Variants in RANBP17 observed in about 807,000 individuals in gnomAD.
RANBP17 encodes ran-binding protein 17.
A neutral mutation model predicts 141.2 loss-of-function variants in RANBP17; 158 were observed. That is an observed-to-expected ratio of 1.12 (90% CI 0.98 to 1.28). The LOEUF is 1.28. Ranked by LOEUF, RANBP17 falls within the 50% of genes most tolerant of loss-of-function variation. The pLI is 0.00. For missense variants in RANBP17, 1,438 were observed against 1,290.7 expected (o/e 1.11, Z -1.75); for synonymous variants, 430 against 450.0 (o/e 0.96, Z 0.56).
At chr5:171,202,376 C>T (rs961430104) in intron 19 of RANBP17, among the ~76,000 whole-genome samples, 1 of 152,130 alleles carries the variant, frequency 6.6e-6, no homozygotes, top group Non-Finnish European at 1.5e-5. Flanking sequence ...TTGGTCATGA[C>T]ATCATCAGTT....
intron 14 of RANBP17, among the ~76,000 whole-genome samples, chr5:170,995,096 A>G (rs1043055092): frequency 1.1e-4 from 16 of 152,162 alleles, no homozygotes; most frequent in Non-Finnish European, 2.9e-5. Flanking sequence ...TAAATCAGCC[A>G]GTTGAAGAAA....
At chr5:170,908,153 C>A (rs1271175354) in intron 5 of RANBP17, among the ~76,000 whole-genome samples, 1 of 151,798 alleles carries the variant, frequency 6.6e-6, no homozygotes, top group Non-Finnish European at 1.5e-5. Flanking sequence ...ACTATTCAAC[C>A]CAGCAATCCT....
rs565290629 is a variant in RANBP17 at position 171,133,568 on chromosome 5, A to G, written c.1711-36562A>G. ...AATCTTTCATATATACTAAGAGAAA[A>G]TAAAAGATTGTTTTTAGGAAATTAC... On this transcript the variant is annotated intron_variant, in intron 14 of 27. Transcript: ENST00000523189. Among the ~76,000 whole-genome samples the G allele has an allele frequency of 4.6e-5, 7 of 152,350 alleles. No homozygotes were observed. In the East Asian group the frequency reaches 1.3e-3, roughly 29 times the overall value.
intron 9 of RANBP17, among the ~76,000 whole-genome samples, chr5:170,917,627 T>C (rs1026240018): frequency 2.0e-5 from 3 of 152,204 alleles, no homozygotes; most frequent in Non-Finnish European, 4.4e-5. Flanking sequence ...TTATGGGTTA[T>C]GCATTTATTT....
At chr5:171,196,676 CTTAA>C (rs1161226764) in intron 18 of RANBP17, among the ~76,000 whole-genome samples, 2 of 152,162 alleles carry the variant, frequency 1.3e-5, no homozygotes, top group Non-Finnish European at 2.9e-5. Flanking sequence ...TTGTCATTTA[CTTAA>C]TTCTCATGGC....
intron 22 of RANBP17, 30 bp downstream of exon 22, chr5:171,221,870 C>T: frequency 8.2e-7 from 1 of 1,224,188 alleles, no homozygotes; most frequent in South Asian, 1.3e-5. Flanking sequence ...TGTGCCTCTG[C>T]AATATAGTTT....
chr5:170,896,669 A>G (rs180958075), intron 5 of RANBP17, among the ~76,000 whole-genome samples: 1 of 152,150 alleles, frequency 6.6e-6, no homozygotes, highest in East Asian at 1.9e-4. Context: ...ATCTCTACTA[A>G]AAATACAACA....
At chr5:171,121,834 C>A (rs147003741) in intron 14 of RANBP17, among the ~76,000 whole-genome samples, 1 of 152,178 alleles carries the variant, frequency 6.6e-6, no homozygotes, top group Non-Finnish European at 1.5e-5. Context: ...CACACCCCCA[C>A]CCCTGCCAAG....
intron 14 of RANBP17, among the ~76,000 whole-genome samples, chr5:171,005,217 T>C (rs1431877757): frequency 6.6e-6 from 1 of 152,146 alleles, no homozygotes; most frequent in Non-Finnish European, 1.5e-5. Context: ...TGCCAGTGAC[T>C]TTCTTCACAG....
chr5:171,031,054 A>G (rs1462139141), intron 14 of RANBP17, among the ~76,000 whole-genome samples: 1 of 152,056 alleles, frequency 6.6e-6, no homozygotes, highest in Non-Finnish European at 1.5e-5. Context: ...AATTATTACA[A>G]CATCTGTTTC....
intron 14 of RANBP17, among the ~76,000 whole-genome samples, chr5:171,119,978 G>A (rs144417117): frequency 0.046 from 6,884 of 150,864 alleles, 197 homozygotes; most frequent in East Asian, 0.11. Context: ...TGGAGGTTGC[G>A]GTGAGCCGAG....
At chr5:171,164,383 A>G (rs1759536193) in intron 14 of RANBP17, among the ~76,000 whole-genome samples, 1 of 152,168 alleles carries the variant, frequency 6.6e-6, no homozygotes, top group African/African-American at 2.4e-5. Flanking sequence ...TAAATGTACA[A>G]CTCAAAATTA....
intron 14 of RANBP17, among the ~76,000 whole-genome samples, chr5:171,001,545 C>T (rs1022184737): frequency 2.0e-5 from 3 of 151,994 alleles, no homozygotes; most frequent in African/African-American, 7.3e-5. Flanking sequence ...CATGCAGGAG[C>T]TTAAATGGGC....
At chr5:170,920,633 C>CT (rs1366687568) in intron 11 of RANBP17, among the ~76,000 whole-genome samples, 1 of 151,050 alleles carries the variant, frequency 6.6e-6, no homozygotes, top group African/African-American at 2.4e-5. Flanking sequence ...TTTTATTATA[C>CT]TTTAAGTTCT....
chr5:171,060,562 T>A (rs1258237514), intron 14 of RANBP17, among the ~76,000 whole-genome samples: 1 of 152,178 alleles, frequency 6.6e-6, no homozygotes. Context: ...GGATTCGGTT[T>A]GTCAGTATTT....
chr5:170,907,289 G>GA (rs1771140611), intron 5 of RANBP17, among the ~76,000 whole-genome samples: 1 of 143,186 alleles, frequency 7.0e-6, no homozygotes, highest in African/African-American at 2.5e-5. Flanking sequence ...ATATGCAATA[G>GA]AAAATGGATG....
chr5:171,036,804 G>T (rs1283319379), intron 14 of RANBP17, among the ~76,000 whole-genome samples: 2 of 152,166 alleles, frequency 1.3e-5, no homozygotes, highest in African/African-American at 4.8e-5. Context: ...ATTCCATGGT[G>T]TATATGTACT....
chr5:171,063,468 A>C (rs553852700), intron 14 of RANBP17, among the ~76,000 whole-genome samples: 2 of 152,312 alleles, frequency 1.3e-5, no homozygotes, highest in East Asian at 3.9e-4. Context: ...GTGGCTGCAG[A>C]ACAGCAGATT....
rs1282108015 is a variant in RANBP17, at chr5:170,955,576, CTGTG to C, written c.1574+1878_1574+1881del. Among the ~76,000 whole-genome samples the C allele has an allele frequency of 1.7e-4, 3 of 17,272 alleles. 1 individual carries two copies. In the Admixed American group the frequency reaches 3.6e-3, roughly 21 times the overall value. 11.3% of individuals were successfully genotyped at this position (17,272 alleles called of 152,430 possible). A position where few individuals can be genotyped will look rare whatever the true frequency, so the allele number is the denominator to read the frequency against. ...CTGTGTATATATATATATGCTCAGT[CTGTG>C]TGTATATATATATATATATATATAT... On this transcript the variant is annotated intron_variant, in intron 13 of 27. Transcript: ENST00000523189.
Sources: allele counts gnomAD v4.1 joint callset (sites outside exome capture counted in the v4.1 genomes callset), GRCh38; gene constraint gnomAD v4.1.1; transcripts MANE v1.5; gene names NCBI Gene and HGNC (gene_info 2026-07-23, HGNC 2026-07-21).